Variants in GABRA3 observed in about 807,000 individuals in gnomAD.
GABRA3 encodes gamma-aminobutyric acid type A receptor subunit alpha3, also known as gamma-aminobutyric acid receptor subunit alpha-3.
GABRA3 carries 10 observed loss-of-function variants against 30.1 expected under a neutral mutation model. The ratio of observed to expected loss-of-function variants is 0.33; its 90% CI spans 0.20 to 0.56. The LOEUF (loss-of-function observed/expected upper bound fraction) is 0.56, where lower values mean the gene tolerates loss of function less well. Among genes scored for constraint, GABRA3 ranks in the 20% least tolerant of loss-of-function variants. The probability of loss-of-function intolerance (pLI) is 0.89; values close to 1 mark genes in which losing one functional copy is unlikely to be tolerated. For synonymous variants in GABRA3, 151 were observed against 146.8 expected (o/e 1.03, Z -0.21); for missense variants, 233 against 392.0 (o/e 0.59, Z 3.42).
At chrX:152,221,446 T>A (rs1424231764) in intron 6 of GABRA3, among the ~76,000 whole-genome samples, 3 of 112,118 alleles carry the variant, frequency 2.7e-5, no homozygotes, top group African/African-American at 9.7e-5. Context: ...CCTCTAGATA[T>A]CTGATATCAG....
chrX:152,322,913 C>T (rs1439248794), intron 3 of GABRA3, among the ~76,000 whole-genome samples: 4 of 87,531 alleles, frequency 4.6e-5, no homozygotes, highest in East Asian at 7.2e-4. Context: ...AGTGCAGTGG[C>T]GCAATCTCGG....
At chrX:152,359,663 C>G (rs953192325) in intron 2 of GABRA3, among the ~76,000 whole-genome samples, 14 of 111,021 alleles carry the variant, frequency 1.3e-4, no homozygotes, top group Non-Finnish European at 2.5e-4. Context: ...AATTTGAGAT[C>G]TGTGTAACTT....
intron 1 of GABRA3, among the ~76,000 whole-genome samples, chrX:152,444,426 C>T (rs183060773): frequency 8.9e-5 from 10 of 111,732 alleles, no homozygotes; most frequent in Admixed American, 8.5e-4. Flanking sequence ...AGCTATTGCT[C>T]CAAGGTGCAA....
At chrX:152,213,919 A>T (rs772674475) in intron 6 of GABRA3, among the ~76,000 whole-genome samples, 1 of 111,328 alleles carries the variant, frequency 9.0e-6, no homozygotes, top group South Asian at 3.8e-4. Flanking sequence ...TGTATTCTCT[A>T]TTCCTTTTTT....
At chrX:152,352,705 G>C (rs1473309194) in intron 2 of GABRA3, among the ~76,000 whole-genome samples, 2 of 111,391 alleles carry the variant, frequency 1.8e-5, no homozygotes, top group Non-Finnish European at 3.8e-5. Context: ...TAAAAATTCG[G>C]AATTACTGAG....
chrX:152,180,888 A>G (rs1297967429), intron 9 of GABRA3, among the ~76,000 whole-genome samples: 1 of 112,023 alleles, frequency 8.9e-6, no homozygotes, highest in East Asian at 2.8e-4. Flanking sequence ...ATTGTGTTAA[A>G]TTGCTCTGTG....
chrX:152,265,990 TAAA>T, intron 4 of GABRA3, among the ~76,000 whole-genome samples: 1 of 111,020 alleles, frequency 9.0e-6, no homozygotes, highest in Non-Finnish European at 1.9e-5. Context: ...AAAGCCATAA[TAAA>T]AAGACTCCTA....
intron 2 of GABRA3, among the ~76,000 whole-genome samples, chrX:152,350,194 T>C (rs1940456981): frequency 9.6e-6 from 1 of 104,655 alleles, no homozygotes; most frequent in African/African-American, 3.6e-5. Flanking sequence ...AACAACCTGC[T>C]CCTGAATGAC....
chrX:152,240,287 G>A (rs1603222718), intron 5 of GABRA3, among the ~76,000 whole-genome samples: 1 of 101,651 alleles, frequency 9.8e-6, no homozygotes, highest in Non-Finnish European at 1.9e-5. Flanking sequence ...ATTCTGGTTT[G>A]AAAATTCTTT....
chrX:152,264,849 C>T (rs990194597), intron 4 of GABRA3, among the ~76,000 whole-genome samples: 4 of 110,744 alleles, frequency 3.6e-5, no homozygotes, highest in African/African-American at 1.3e-4. Context: ...AGTAGCTACA[C>T]TTATATCAGA....
intron 6 of GABRA3, among the ~76,000 whole-genome samples, chrX:152,214,994 A>G (rs1285547066): frequency 3.7e-5 from 4 of 107,285 alleles, no homozygotes; most frequent in African/African-American, 1.3e-4. Flanking sequence ...ATACACACAC[A>G]CACACATATA....
intron 3 of GABRA3, among the ~76,000 whole-genome samples, chrX:152,292,191 A>C (rs757694907): frequency 6.3e-5 from 7 of 111,589 alleles, no homozygotes; most frequent in Non-Finnish European, 9.4e-5. Context: ...TCTCAATTTC[A>C]GAGCCTGTTA....
chrX:152,439,150 T>C (rs1197773457), intron 1 of GABRA3, among the ~76,000 whole-genome samples: 1 of 110,108 alleles, frequency 9.1e-6, no homozygotes, highest in East Asian at 2.8e-4. Flanking sequence ...TTTTTTGAGA[T>C]GAAGTCTCAC....
chrX:152,238,412 T>A (rs1938276988), intron 5 of GABRA3, among the ~76,000 whole-genome samples: 1 of 106,360 alleles, frequency 9.4e-6, no homozygotes, highest in Non-Finnish European at 1.9e-5. Flanking sequence ...TTATTGAGGA[T>A]TTTTGCATCA....
chrX:152,167,953 C>A lies in GABRA3; in HGVS notation c.*275G>T. On this transcript the variant is annotated 3_prime_UTR_variant, in exon 10 of 10. Coordinates refer to ENST00000370314, the MANE Select transcript of GABRA3 (RefSeq NM_000808.4). Reference sequence around the variant, plus strand: ...AGAGTGCAATAAAATACATGCAGTGCCCTCAGCTAGGGGAGATTGGCAGAC... The same window carrying A: ...AGAGTGCAATAAAATACATGCAGTGACCTCAGCTAGGGGAGATTGGCAGAC... The A allele has an allele frequency of 2.7e-6, 1 of 367,774 alleles. No individual in the cohort carries two copies. Among genetic ancestry groups the A allele is most frequent in the East Asian group, 4.4e-5 (1 of 22,890 alleles). The allele number at this position is 367,774 out of a possible 1,213,427, so 30.3% of individuals were successfully genotyped here.
intron 6 of GABRA3, among the ~76,000 whole-genome samples, chrX:152,222,183 C>T (rs1047364341): frequency 9.1e-6 from 1 of 110,030 alleles, no homozygotes; most frequent in African/African-American, 3.3e-5. Flanking sequence ...GATGAACATA[C>T]GTGTGCATGT....
chrX:152,178,853 T>C (rs1348409676), intron 9 of GABRA3, among the ~76,000 whole-genome samples: 1 of 111,962 alleles, frequency 8.9e-6, no homozygotes, highest in Non-Finnish European at 1.9e-5. Context: ...TTCTCTTAGG[T>C]GATAGTAATA....
At chrX:152,253,245 T>C (rs1310314415) in intron 5 of GABRA3, among the ~76,000 whole-genome samples, 1 of 111,704 alleles carries the variant, frequency 9.0e-6, no homozygotes. Flanking sequence ...TGACATCCAT[T>C]TTCACGTTTC....
At chrX:152,430,124 C>A (rs1271453050) in intron 1 of GABRA3, among the ~76,000 whole-genome samples, 4 of 111,887 alleles carry the variant, frequency 3.6e-5, no homozygotes, top group African/African-American at 1.3e-4. Flanking sequence ...CCCCCTCTCT[C>A]AGCTTCAAAC....
Sources: allele counts gnomAD v4.1 joint callset (sites outside exome capture counted in the v4.1 genomes callset), GRCh38; gene constraint gnomAD v4.1.1; transcripts MANE v1.5; gene names NCBI Gene and HGNC (gene_info 2026-07-23, HGNC 2026-07-21).